The following HEMK2 variants were observed in gnomAD, a reference collection of about 807,000 sequenced individuals.
HEMK2 encodes the protein HemK methyltransferase 2, ETF1 glutamine and histone H4 lysine, also known as methyltransferase HEMK2.
chr21:28,750,122 C>T, the HEMK2 span, among the ~76,000 whole-genome samples: 1 of 152,098 alleles, frequency 6.6e-6, no homozygotes, highest in African/African-American at 2.4e-5. Flanking sequence ...ACAGTACTCA[C>T]AACACAGTGA....
chr21:28,831,716 AAGGAAGGAAG>A, the HEMK2 span, among the ~76,000 whole-genome samples: 2 of 134,976 alleles, frequency 1.5e-5, no homozygotes, highest in African/African-American at 5.9e-5. Context: ...GGAAGGAAGG[AAGGAAGGAAG>A]GAAGGAAGGA....
the HEMK2 span, among the ~76,000 whole-genome samples, chr21:28,859,943 A>C: frequency 6.6e-6 from 1 of 152,206 alleles, no homozygotes; most frequent in African/African-American, 2.4e-5. Context: ...AGATATACTG[A>C]GTGTGATGGT....
the HEMK2 span, among the ~76,000 whole-genome samples, chr21:28,777,945 T>G: frequency 1.3e-5 from 2 of 152,220 alleles, no homozygotes; most frequent in Non-Finnish European, 2.9e-5. Flanking sequence ...GAACCTTTAC[T>G]TTAAAAAATA....
At chr21:28,720,408 T>C in the HEMK2 span, among the ~76,000 whole-genome samples, 5 of 152,100 alleles carry the variant, frequency 3.3e-5, no homozygotes, top group African/African-American at 1.2e-4. Context: ...GGAGTATGAA[T>C]AGGACCCAGA....
chr21:28,698,206 G>C, the HEMK2 span, among the ~76,000 whole-genome samples: 1 of 152,144 alleles, frequency 6.6e-6, no homozygotes, highest in South Asian at 2.1e-4. Flanking sequence ...ACAACTTTTA[G>C]CTGGAGCATG....
chr21:28,711,878 G>A, the HEMK2 span, among the ~76,000 whole-genome samples: 22 of 152,092 alleles, frequency 1.4e-4, no homozygotes, highest in South Asian at 2.1e-4. Context: ...GCCCTCTTCC[G>A]TCTTGCAGAC....
the HEMK2 span, among the ~76,000 whole-genome samples, chr21:28,703,219 T>C: frequency 6.6e-6 from 1 of 152,044 alleles, no homozygotes; most frequent in African/African-American, 2.4e-5. Flanking sequence ...GTACTGTGCT[T>C]ATTACTTGGC....
the HEMK2 span, among the ~76,000 whole-genome samples, chr21:28,587,073 GT>G: frequency 6.6e-6 from 1 of 151,780 alleles, no homozygotes; most frequent in African/African-American, 2.4e-5. Context: ...GTAAGAGACA[GT>G]TTAGCCATAA....
chr21:28,796,504 T>C, the HEMK2 span, among the ~76,000 whole-genome samples: 1 of 152,194 alleles, frequency 6.6e-6, no homozygotes, highest in Non-Finnish European at 1.5e-5. Context: ...TTTCAGACTT[T>C]AGCTTCAGTC....
the HEMK2 span, among the ~76,000 whole-genome samples, chr21:28,845,852 A>C: frequency 0.15 from 22,309 of 151,868 alleles, 3,091 homozygotes; most frequent in African/African-American, 0.35. Flanking sequence ...ACATGGGTAA[A>C]TTGTGTGTCA....
At chr21:28,647,032 C>T in the HEMK2 span, among the ~76,000 whole-genome samples, 1,436 of 152,226 alleles carry the variant, frequency 9.4e-3, 16 homozygotes, top group Admixed American at 0.012. Context: ...GAGATATTGT[C>T]GCTGCCATCT....
At chr21:28,615,043 A>C in the HEMK2 span, among the ~76,000 whole-genome samples, 3 of 152,186 alleles carry the variant, frequency 2.0e-5, no homozygotes, top group African/African-American at 7.2e-5. Flanking sequence ...ACTGCAAAGT[A>C]GGAATGTCCC....
chr21:28,750,607 A>T, the HEMK2 span, among the ~76,000 whole-genome samples: 1 of 150,454 alleles, frequency 6.6e-6, no homozygotes, highest in African/African-American at 2.4e-5. Flanking sequence ...AGGCTGAGGC[A>T]GGAGAATCAC....
the HEMK2 span, among the ~76,000 whole-genome samples, chr21:28,680,241 T>C: frequency 6.6e-6 from 1 of 152,018 alleles, no homozygotes; most frequent in Non-Finnish European, 1.5e-5. Flanking sequence ...CCCACAGAAA[T>C]ACAAACTATC....
At chr21:28,596,485 C>T in the HEMK2 span, among the ~76,000 whole-genome samples, 1 of 152,150 alleles carries the variant, frequency 6.6e-6, no homozygotes, top group African/African-American at 2.4e-5. Context: ...CTCCCTGAAT[C>T]TGACTATGAT....
the HEMK2 span, among the ~76,000 whole-genome samples, chr21:28,756,058 T>C: frequency 6.6e-6 from 1 of 152,168 alleles, no homozygotes; most frequent in Non-Finnish European, 1.5e-5. Flanking sequence ...TTCATGAGTG[T>C]TCTCCATAAC....
At chr21:28,748,199 CA>C in the HEMK2 span, among the ~76,000 whole-genome samples, 1 of 152,168 alleles carries the variant, frequency 6.6e-6, no homozygotes, top group Non-Finnish European at 1.5e-5. Flanking sequence ...ATTCAAACCC[CA>C]AGTCTCAGCA....
At chr21:28,864,849 A>G in the HEMK2 span, among the ~76,000 whole-genome samples, 247 of 120,978 alleles carry the variant, frequency 2.0e-3, 2 homozygotes, top group South Asian at 7.5e-3. Flanking sequence ...ATAGATAGAT[A>G]GATAGATAGA....
At chr21:28,863,411 TATATATA>T in the HEMK2 span, among the ~76,000 whole-genome samples, 1 of 18,650 alleles carries the variant, frequency 5.4e-5, no homozygotes, top group African/African-American at 1.6e-4. Context: ...AACTCCCTTT[TATATATA>T]TATATATATA....
Sources: gnomAD v4.1 joint callset for allele counts (sites outside exome capture counted in the v4.1 genomes callset) on GRCh38, gnomAD v4.1.1 for gene constraint, MANE v1.5 for transcripts, NCBI Gene and HGNC (gene_info 2026-07-23, HGNC 2026-07-21) for gene names.